Variants in FAM186A observed in about 807,000 individuals in gnomAD.
FAM186A encodes the protein family with sequence similarity 186 member A.
In FAM186A, 163 loss-of-function variants were observed where a neutral mutation model predicts 216.8. That is an observed-to-expected ratio of 0.75 (90% CI 0.66 to 0.86). FAM186A has a LOEUF of 0.86. FAM186A is among the 40% of genes least tolerant of loss of function. The probability of loss-of-function intolerance (pLI) is 0.00; values close to 1 mark genes in which losing one functional copy is unlikely to be tolerated. For missense variants in FAM186A, 2,184 were observed against 2,746.2 expected, an observed-to-expected ratio of 0.80 and a Z score of 4.58; for synonymous variants, 805 against 1,025.3, an observed-to-expected ratio of 0.79 and a Z score of 4.10.
At chr12:50,360,707 A>G in intron 3 of FAM186A, 49 bp downstream of exon 3, 2 of 1,450,586 alleles carry the variant, frequency 1.4e-6, no homozygotes, top group Non-Finnish European at 1.8e-6. Flanking sequence ...TCTCTAAGAA[A>G]AAGTCAAACT....
At chr12:50,383,307 C>T (rs980231936) in intron 1 of FAM186A, among the ~76,000 whole-genome samples, 7 of 94,884 alleles carry the variant, frequency 7.4e-5, no homozygotes, top group South Asian at 4.1e-4. Context: ...AGAAAAGAAA[C>T]GGCTGGAAGC....
intron 3 of FAM186A, 99 bp downstream of exon 3, chr12:50,360,657 C>A (rs1286855574): frequency 9.3e-7 from 1 of 1,071,644 alleles, no homozygotes; most frequent in South Asian, 1.8e-5. Context: ...TGCACACCAG[C>A]CTGGGTGATA....
Position 50,354,195 on chromosome 12 carries a change from G to A in FAM186A, c.2637C>T (p.Ser879=), listed in dbSNP as rs769424032. 2 of 1,551,422 alleles carry A rather than the reference G, an allele frequency of 1.3e-6. No homozygotes were observed. The highest frequency in any genetic ancestry group is 8.7e-7 in the Non-Finnish European group (1 of 1,146,950). The change falls in exon 4 of 8, where the codon AGC becomes AGT. Residue 879 remains serine (S), a synonymous_variant. Coordinates refer to ENST00000327337, the MANE Select transcript of FAM186A (RefSeq NM_001145475.3). ...TCTCTTCTTCCTGCCACTGTTTCTG[G>A]CTCTGTTGTTCTTGCTTTCCCTCCT... ...QMKEGKQEQQ[S]QKQWQEEEMW...
At chr12:50,338,327 G>A (rs1237315785) in intron 4 of FAM186A, among the ~76,000 whole-genome samples, 4 of 151,870 alleles carry the variant, frequency 2.6e-5, no homozygotes, top group African/African-American at 9.7e-5. Context: ...TCAGCCTCCC[G>A]AGTAGCTAAG....
intron 1 of FAM186A, among the ~76,000 whole-genome samples, chr12:50,374,052 C>CA (rs1184475224): frequency 1.3e-5 from 2 of 149,494 alleles, no homozygotes; most frequent in Non-Finnish European, 3.0e-5. Context: ...ATCGCAAGAA[C>CA]AAAAAACCAA....
intron 1 of FAM186A, among the ~76,000 whole-genome samples, chr12:50,382,139 G>T (rs544668852): frequency 6.7e-6 from 1 of 149,994 alleles, no homozygotes. Context: ...CAGATGACAT[G>T]TTACTTGATG....
intron 4 of FAM186A, among the ~76,000 whole-genome samples, chr12:50,340,796 C>G (rs1003480457): frequency 1.3e-5 from 1 of 78,876 alleles, no homozygotes; most frequent in Non-Finnish European, 2.3e-5. Context: ...ATCATCTTTT[C>G]TAATTTTTTT....
At position 50,354,700 on chromosome 12, in the gene FAM186A, A is replaced by T. The variant is rs538003682; in HGVS notation, c.2132T>A (p.Leu711Ter). 6.5e-7 allele frequency: 1 copy of T among 1,549,058 alleles called. No homozygotes were observed. The highest frequency in any genetic ancestry group is 1.4e-5 in the African/African-American group (1 of 73,006). ...CTCCATTTTTGCCTTTATGATTCCTAATTTTTCAGCTTCTGCTCTTTTTAA... is the reference window on the plus strand; with the variant it reads ...CTCCATTTTTGCCTTTATGATTCCTTATTTTTCAGCTTCTGCTCTTTTTAA... Reference protein sequence around the residue: ...ELLKRAEAEKLGIIKAKMEEY... With the variant: ...ELLKRAEAEK Residue 711 changes from leucine to a stop codon, truncating the protein, a stop_gained, in exon 4 of 8, where the codon TTA (leucine) becomes TAA (stop). Coordinates refer to ENST00000327337, the MANE Select transcript of FAM186A (RefSeq NM_001145475.3). LOFTEE classifies it high-confidence loss of function.
intron 4 of FAM186A, among the ~76,000 whole-genome samples, chr12:50,336,523 T>G (rs977450595): frequency 1.3e-5 from 2 of 152,098 alleles, no homozygotes; most frequent in Admixed American, 1.3e-4. Flanking sequence ...TGAATCAAAA[T>G]CTTAGTGGTA....
At chr12:50,342,351 A>C (rs932653441) in intron 4 of FAM186A, among the ~76,000 whole-genome samples, 2 of 151,836 alleles carry the variant, frequency 1.3e-5, no homozygotes, top group African/African-American at 4.8e-5. Context: ...AAAACAAAGA[A>C]TGTTACATGT....
chr12:50,396,201 G>T, intron 1 of FAM186A, 92 bp downstream of exon 1: 1 of 1,226,304 alleles, frequency 8.2e-7, no homozygotes, highest in South Asian at 1.8e-5. Context: ...CAAATATCAT[G>T]AAAGTGATTT....
At position 50,353,087 on chromosome 12, in the gene FAM186A, G is replaced by A. The variant is rs1470389641; in HGVS notation, c.3745C>T (p.Gln1249Ter). The A allele has an allele frequency of 7.8e-6, 12 of 1,541,374 alleles. No individual in the cohort carries two copies. Among genetic ancestry groups the A allele is most frequent in the Non-Finnish European group, 9.6e-6 (11 of 1,141,200 alleles). ...LGIPLTPQQA[Q>*]ALGITLTPKQ... ...GGGGTGAGAGTGATTCCGAGAGCCTGCGCCTGCTGAGGGGTGAGAGGGATC... is the reference window on the plus strand; with the variant it reads ...GGGGTGAGAGTGATTCCGAGAGCCTACGCCTGCTGAGGGGTGAGAGGGATC... The change falls in exon 4 of 8, where the codon CAG (glutamine) becomes TAG (stop). Residue 1249 changes from glutamine (Q) to a stop codon, truncating the protein, a stop_gained. Transcript: ENST00000327337. LOFTEE classifies it high-confidence loss of function.
rs938100214 is a variant in FAM186A, at chr12:50,346,227, A to G, written c.6503+4102T>C. 5.2e-3 allele frequency among the ~76,000 whole-genome samples: 640 copies of G among 122,018 alleles called. 26 individuals are homozygous for G. The highest frequency in any genetic ancestry group is 8.4e-3 in the Non-Finnish European group (476 of 56,574). 80.0% of individuals were successfully genotyped at this position (122,018 alleles called of 152,430 possible). ...AGAGAGAGAGAGAGAGAAGGAAAGA[A>G]AGAAAGAAAAAAAGAAAGAAAGAAA... is the stretch of plus-strand genomic sequence containing the variant. On this transcript the variant is annotated intron_variant, in intron 4 of 7. Coordinates refer to ENST00000327337, the MANE Select transcript of FAM186A (RefSeq NM_001145475.3).
chr12:50,336,214 T>C (rs1374470046), intron 4 of FAM186A, among the ~76,000 whole-genome samples: 1 of 151,920 alleles, frequency 6.6e-6, no homozygotes, highest in Non-Finnish European at 1.5e-5. Context: ...TCTCCCTTTC[T>C]CTCTCTCTCC....
intron 1 of FAM186A, chr12:50,366,218 A>G (rs186400882): frequency 1.8e-6 from 1 of 557,202 alleles, no homozygotes; most frequent in Admixed American, 3.3e-5. Context: ...GTTACAGCAA[A>G]TAATAATTTA....
At chr12:50,378,980 C>T (rs1592630257) in intron 1 of FAM186A, among the ~76,000 whole-genome samples, 1 of 152,286 alleles carries the variant, frequency 6.6e-6, no homozygotes, top group East Asian at 1.9e-4. Context: ...GTTGAATTAA[C>T]TATGGTATAA....
intron 1 of FAM186A, 100 bp from the exon 2 acceptor site, chr12:50,363,464 T>C: frequency 9.7e-7 from 1 of 1,035,884 alleles, no homozygotes; most frequent in Non-Finnish European, 1.4e-6. Context: ...TTTAAAGCTA[T>C]CCAATTAAAG....
chr12:50,373,023 GAAAGAAAGAAA>G (rs1565893015), intron 1 of FAM186A, among the ~76,000 whole-genome samples: 2 of 142,408 alleles, frequency 1.4e-5, no homozygotes, highest in East Asian at 4.1e-4. Context: ...AAGAAAGAAA[GAAAGAAAGAAA>G]GAAAGAAAGA....
At chr12:50,343,405 T>C (rs1942783216) in intron 4 of FAM186A, among the ~76,000 whole-genome samples, 1 of 152,158 alleles carries the variant, frequency 6.6e-6, no homozygotes, top group Non-Finnish European at 1.5e-5. Context: ...AAATTGAACA[T>C]TCAGGGTTTT....
Sources: allele counts gnomAD v4.1 joint callset (sites outside exome capture counted in the v4.1 genomes callset), GRCh38; gene constraint gnomAD v4.1.1; transcripts MANE v1.5; gene names NCBI Gene and HGNC (gene_info 2026-07-23, HGNC 2026-07-21).